COLEC10: variants seen among roughly 807,000 people sequenced by gnomAD.
The protein encoded by COLEC10 is collectin subfamily member 10.
In COLEC10, 22 loss-of-function variants were observed where a neutral mutation model predicts 28.4. The observed-to-expected ratio is 0.78, with a 90% CI of 0.55 to 1.11. COLEC10 has a LOEUF of 1.11. Among genes scored for constraint, COLEC10 ranks in the 50% least tolerant of loss-of-function variants. COLEC10 has a pLI of 0.00. For missense variants in COLEC10, 361 were observed against 344.1 expected, an observed-to-expected ratio of 1.05 and a Z score of -0.39; for synonymous variants, 125 against 116.1, an observed-to-expected ratio of 1.08 and a Z score of -0.49.
chr8:119,043,936 T>C (rs548974847), intron 2 of COLEC10, among the ~76,000 whole-genome samples: 1 of 152,148 alleles, frequency 6.6e-6, no homozygotes, highest in Non-Finnish European at 1.5e-5. Context: ...ACCTCTCTAC[T>C]ATATCATAGT....
At chr8:118,957,941 T>C in the COLEC10 span, among the ~76,000 whole-genome samples, 8 of 152,136 alleles carry the variant, frequency 5.3e-5, no homozygotes, top group African/African-American at 1.9e-4. Flanking sequence ...GTGAAGTCAA[T>C]TGCCTGCCTG....
intron 1 of COLEC10, among the ~76,000 whole-genome samples, chr8:119,074,744 C>T (rs1815192489): frequency 1.3e-5 from 2 of 152,196 alleles, no homozygotes; most frequent in South Asian, 4.1e-4. Context: ...GAGACCACCT[C>T]TTCTCTTCGC....
At chr8:119,079,044 C>CACACA (rs1286840852) in intron 1 of COLEC10, among the ~76,000 whole-genome samples, 1 of 143,764 alleles carries the variant, frequency 7.0e-6, no homozygotes, top group Non-Finnish European at 1.5e-5. Flanking sequence ...CACACACACA[C>CACACA]CAACCAGGAT....
At chr8:118,977,586 T>A in the COLEC10 span, among the ~76,000 whole-genome samples, 1 of 122,700 alleles carries the variant, frequency 8.1e-6, no homozygotes, top group Non-Finnish European at 1.6e-5. Flanking sequence ...AACATCACAC[T>A]CTGTGGACTG....
chr8:119,095,169 C>T (rs572347814), intron 3 of COLEC10, among the ~76,000 whole-genome samples: 1 of 152,004 alleles, frequency 6.6e-6, no homozygotes, highest in South Asian at 2.1e-4. Flanking sequence ...ATTTTGTTTC[C>T]ACATAGAAAC....
At chr8:118,990,474 CT>C (rs1813488299), upstream of COLEC10, among the ~76,000 whole-genome samples, 1 of 152,056 alleles carries the variant, frequency 6.6e-6, no homozygotes, top group Non-Finnish European at 1.5e-5. Flanking sequence ...GAAGATGGAC[CT>C]GAATTTTCCA....
At chr8:119,034,234 A>G (rs28893333) in intron 2 of COLEC10, among the ~76,000 whole-genome samples, 97,655 of 151,616 alleles carry the variant, frequency 0.64, 32,470 homozygotes, top group African/African-American at 0.81. Context: ...ACACACTGGG[A>G]CCTATTGGAG....
At chr8:118,973,040 A>G in the COLEC10 span, among the ~76,000 whole-genome samples, 1 of 151,838 alleles carries the variant, frequency 6.6e-6, no homozygotes, top group Non-Finnish European at 1.5e-5. Context: ...TGATTCAATT[A>G]CCTCCCATTG....
At chr8:119,041,664 C>T (rs534600683) in intron 2 of COLEC10, among the ~76,000 whole-genome samples, 44 of 152,204 alleles carry the variant, frequency 2.9e-4, no homozygotes, top group Non-Finnish European at 3.5e-4. Context: ...GCCTAAAGTA[C>T]TTAGAGGATA....
intron 3 of COLEC10, among the ~76,000 whole-genome samples, chr8:119,099,134 T>G (rs577764800): frequency 4.2e-4 from 64 of 152,190 alleles, no homozygotes; most frequent in South Asian, 3.3e-3. Context: ...TATGATTTTT[T>G]TGTTTGTTTG....
At position 119,089,756 on chromosome 8, in the gene COLEC10, C is replaced by T. The variant is rs772866594; in HGVS notation, c.220+5C>T. On this transcript the variant is annotated splice_donor_5th_base_variant and intron_variant, in intron 2 of 5. Transcript: ENST00000332843. Reference sequence around the variant, plus strand: ...TGGGACGCATGGGGCCGAAAGGTAACTAAAATGATGTGAAACTGACATTTT... The same window carrying T: ...TGGGACGCATGGGGCCGAAAGGTAATTAAAATGATGTGAAACTGACATTTT... 1 of 1,610,604 alleles carries T rather than the reference C, an allele frequency of 6.2e-7. No individual in the cohort carries two copies. Among genetic ancestry groups the T allele is most frequent in the African/African-American group, 1.3e-5 (1 of 74,862 alleles).
chr8:119,073,645 G>A (rs1244971306), intron 1 of COLEC10, among the ~76,000 whole-genome samples: 1 of 151,796 alleles, frequency 6.6e-6, no homozygotes, highest in Admixed American at 6.6e-5. Context: ...TACTAAGAAG[G>A]CATTTCAAGT....
At chr8:119,026,287 C>T (rs941082804) in intron 2 of COLEC10, among the ~76,000 whole-genome samples, 6 of 152,182 alleles carry the variant, frequency 3.9e-5, no homozygotes, top group Non-Finnish European at 5.9e-5. Flanking sequence ...GTCATGGTGG[C>T]TCATGCCTGT....
intron 1 of COLEC10, among the ~76,000 whole-genome samples, chr8:119,005,738 GC>G (rs1177259982): frequency 1.3e-5 from 2 of 152,092 alleles, no homozygotes; most frequent in Non-Finnish European, 2.9e-5. Flanking sequence ...ATCAGAAAGG[GC>G]TAAAATTTTA....
At chr8:119,099,868 T>C (rs1815789492) in intron 3 of COLEC10, among the ~76,000 whole-genome samples, 1 of 152,164 alleles carries the variant, frequency 6.6e-6, no homozygotes, top group Non-Finnish European at 1.5e-5. Flanking sequence ...TGTTCTCTTA[T>C]GTGTGTTTTG....
chr8:118,988,847 T>A, the COLEC10 span, among the ~76,000 whole-genome samples: 1 of 152,112 alleles, frequency 6.6e-6, no homozygotes, highest in Non-Finnish European at 1.5e-5. Context: ...ATAATCTAAC[T>A]CCTAGCCAGA....
Position 119,107,735 on chromosome 8 carries a change from A to G in COLEC10, c.*1544A>G, listed in dbSNP as rs1815978587. Among the ~76,000 whole-genome samples the G allele has an allele frequency of 1.3e-5, 2 of 152,156 alleles. No homozygotes were observed. Among genetic ancestry groups the G allele is most frequent in the Non-Finnish European group, 2.9e-5 (2 of 68,032 alleles). On this transcript the variant is annotated 3_prime_UTR_variant, in exon 6 of 6. Coordinates refer to ENST00000332843, the MANE Select transcript of COLEC10 (RefSeq NM_006438.5). ...TGCACTGAGCACAGCTTGCCCTTCC[A>G]AAGGAGCCAGCTGCTCCTCAGTGGC...
intron 2 of COLEC10, among the ~76,000 whole-genome samples, chr8:119,045,384 G>A (rs1448312934): frequency 6.6e-6 from 1 of 152,214 alleles, no homozygotes; most frequent in Non-Finnish European, 1.5e-5. Flanking sequence ...GCTGAATGTG[G>A]CTTTCTCCCC....
At chr8:119,092,075 T>C (rs1458593123) in intron 3 of COLEC10, among the ~76,000 whole-genome samples, 1 of 144,236 alleles carries the variant, frequency 6.9e-6, no homozygotes, top group African/African-American at 2.8e-5. Context: ...AATTTTTTTT[T>C]TTTTTTTTTT....
Sources: allele counts gnomAD v4.1 joint callset (sites outside exome capture counted in the v4.1 genomes callset), GRCh38; gene constraint gnomAD v4.1.1; transcripts MANE v1.5; gene names NCBI Gene and HGNC (gene_info 2026-07-23, HGNC 2026-07-21).